Variants in AHI1 observed in about 807,000 individuals in gnomAD.
The protein encoded by AHI1 is jouberin.
Under a neutral mutation model 149.3 loss-of-function variants are expected in AHI1, and 123 were observed. That is an observed-to-expected ratio of 0.82 (90% CI 0.71 to 0.96). AHI1 has a LOEUF of 0.96. Among genes scored for constraint, AHI1 ranks in the 40% least tolerant of loss-of-function variants. AHI1 has a pLI of 0.00. For synonymous variants in AHI1, 475 were observed against 459.8 expected (o/e 1.03, Z -0.42); for missense variants, 1,439 against 1,422.7 (o/e 1.01, Z -0.18).
intron 23 of AHI1, chr6:135,387,949 G>A (rs867774458): frequency 6.2e-6 from 10 of 1,612,716 alleles, no homozygotes; most frequent in Non-Finnish European, 7.6e-6. Flanking sequence ...ATCCCAGGTC[G>A]GCTCAGTTCT....
At chr6:135,454,910 A>C (rs1021149705) in intron 10 of AHI1, among the ~76,000 whole-genome samples, 1 of 152,158 alleles carries the variant, frequency 6.6e-6, no homozygotes, top group African/African-American at 2.4e-5. Flanking sequence ...GACAACCTGA[A>C]AGTCAAGGAT....
chr6:135,347,623 T>C (rs1422441392), intron 24 of AHI1, among the ~76,000 whole-genome samples: 1 of 152,224 alleles, frequency 6.6e-6, no homozygotes, highest in Non-Finnish European at 1.5e-5. Context: ...CTTTGCACAG[T>C]GCATAGTAGG....
chr6:135,376,803 A>AC lies in AHI1; in HGVS notation c.3109+17972dup, dbSNP rs1185099978. 9.6e-5 allele frequency among the ~76,000 whole-genome samples: 14 copies of AC among 145,610 alleles called. No homozygotes were observed. In the Admixed American group the frequency reaches 1.0e-3, roughly 10 times the overall value. ...AGGCTGAGGCAGGAGAATCACCTGA[A>AC]CCCGGGAGGCAAAGGTTGCAGTGAG... On this transcript the variant is annotated intron_variant, in intron 23 of 28. Transcript: ENST00000265602.
At chr6:135,439,531 T>C (rs1785934696) in intron 14 of AHI1, among the ~76,000 whole-genome samples, 1 of 152,154 alleles carries the variant, frequency 6.6e-6, no homozygotes, top group African/African-American at 2.4e-5. Context: ...GTACTTCCTT[T>C]GACTGAAAAG....
intron 23 of AHI1, 43 bp downstream of exon 23, chr6:135,394,733 T>A: frequency 6.2e-7 from 1 of 1,604,312 alleles, no homozygotes; most frequent in Non-Finnish European, 8.5e-7. Context: ...ACAACAAGCA[T>A]CTGAACATTT....
chr6:135,323,516 T>G, intron 24 of AHI1, 192 bp from the exon 25 acceptor site: 1 of 447,144 alleles, frequency 2.2e-6, no homozygotes, highest in East Asian at 3.2e-5. Flanking sequence ...TAAAAGACTG[T>G]GGGATTGAGA....
intron 20 of AHI1, among the ~76,000 whole-genome samples, chr6:135,422,339 CT>C (rs1003505766): frequency 2.0e-5 from 3 of 152,090 alleles, no homozygotes; most frequent in African/African-American, 7.2e-5. Flanking sequence ...TGGCAAAACC[CT>C]GTTTCTACAA....
At chr6:135,449,473 T>G (rs893577174) in intron 11 of AHI1, among the ~76,000 whole-genome samples, 2 of 152,134 alleles carry the variant, frequency 1.3e-5, no homozygotes, top group Non-Finnish European at 2.9e-5. Context: ...TTCTGCAAAT[T>G]AGGAGCAGAA....
intron 11 of AHI1, among the ~76,000 whole-genome samples, chr6:135,452,501 T>C (rs1788276283): frequency 6.6e-6 from 1 of 152,232 alleles, no homozygotes; most frequent in African/African-American, 2.4e-5. Flanking sequence ...TTTTCAAGTA[T>C]CTACATTTGC....
At chr6:135,352,480 C>T (rs1415763808) in intron 24 of AHI1, among the ~76,000 whole-genome samples, 2 of 152,012 alleles carry the variant, frequency 1.3e-5, no homozygotes, top group Admixed American at 6.6e-5. Context: ...TAGCACTTGC[C>T]GACTCTAAAC....
chr6:135,474,937 G>C (rs1241920041), intron 5 of AHI1, among the ~76,000 whole-genome samples: 1 of 152,146 alleles, frequency 6.6e-6, no homozygotes, highest in Non-Finnish European at 1.5e-5. Flanking sequence ...GAGTGGACAA[G>C]GATCACCTCT....
chr6:135,299,146 C>A (rs1405804892), intron 27 of AHI1, among the ~76,000 whole-genome samples: 2 of 152,006 alleles, frequency 1.3e-5, no homozygotes, highest in African/African-American at 4.8e-5. Context: ...AACAGTAAAA[C>A]AAGAAACTAT....
Position 135,428,764 on chromosome 6 carries a change from A to G in AHI1, c.2493-5T>C. On this transcript the variant is annotated splice_region_variant and splice_polypyrimidine_tract_variant and intron_variant, in intron 18 of 28. Coordinates refer to ENST00000265602, the MANE Select transcript of AHI1 (RefSeq NM_001134831.2). ...ACAAACTTCCTTGCTACTAATCTAC[A>G]AGCAAAAAAGATTTTACAAATGTAA... is the stretch of plus-strand genomic sequence containing the variant. The G allele has an allele frequency of 6.3e-7, 1 of 1,594,140 alleles. No individual in the cohort carries two copies. Among genetic ancestry groups the G allele is most frequent in the South Asian group, 1.1e-5 (1 of 87,674 alleles).
At chr6:135,294,793 A>G (rs1183492189) in intron 27 of AHI1, among the ~76,000 whole-genome samples, 3 of 151,788 alleles carry the variant, frequency 2.0e-5, no homozygotes, top group African/African-American at 7.2e-5. Flanking sequence ...AACTGAAAAC[A>G]ATTCATAGTC....
chr6:135,420,477 C>T (rs1782992364), intron 20 of AHI1, among the ~76,000 whole-genome samples: 1 of 152,126 alleles, frequency 6.6e-6, no homozygotes, highest in Non-Finnish European at 1.5e-5. Flanking sequence ...TTACTGTAGC[C>T]ACCTTCATCA....
At chr6:135,367,867 C>G (rs1221716805) in intron 23 of AHI1, among the ~76,000 whole-genome samples, 1 of 152,086 alleles carries the variant, frequency 6.6e-6, no homozygotes, top group Non-Finnish European at 1.5e-5. Context: ...GAGATTTCTT[C>G]TTGGTTTGGA....
chr6:135,421,952 A>G lies in AHI1; in HGVS notation c.2764+5215T>C, dbSNP rs577242034. Among the ~76,000 whole-genome samples the G allele has an allele frequency of 5.3e-5, 8 of 152,232 alleles. No individual in the cohort carries two copies. The East Asian group carries it at 9.6e-4, about 18-fold the overall frequency. On this transcript the variant is annotated intron_variant, in intron 20 of 28. Transcript: ENST00000265602. Reference sequence around the variant, plus strand: ...GTATATTTTAATGACATAATCTTGTATAAGTATGAGAATTATGTTATCTGA... The same window carrying G: ...GTATATTTTAATGACATAATCTTGTGTAAGTATGAGAATTATGTTATCTGA...
intron 20 of AHI1, among the ~76,000 whole-genome samples, chr6:135,419,947 A>G (rs557508057): frequency 4.7e-4 from 72 of 152,276 alleles, no homozygotes; most frequent in Non-Finnish European, 8.4e-4. Context: ...CAATGTTCAC[A>G]GCGTCTTCAC....
At chr6:135,321,051 T>TACAC (rs1786748261) in intron 25 of AHI1, among the ~76,000 whole-genome samples, 1 of 152,206 alleles carries the variant, frequency 6.6e-6, no homozygotes, top group African/African-American at 2.4e-5. Context: ...TTTTTTCCAT[T>TACAC]ACACAACCTC....
Sources: allele counts gnomAD v4.1 joint callset (sites outside exome capture counted in the v4.1 genomes callset), GRCh38; gene constraint gnomAD v4.1.1; transcripts MANE v1.5; gene names NCBI Gene and HGNC (gene_info 2026-07-23, HGNC 2026-07-21).